The following RBFOX1 variants were observed in gnomAD, a reference collection of about 807,000 sequenced individuals.
RBFOX1 encodes RNA binding fox-1 homolog 1.
Under a neutral mutation model 57.7 loss-of-function variants are expected in RBFOX1, and 8 were observed. The ratio of observed to expected loss-of-function variants is 0.14; its 90% confidence interval spans 0.08 to 0.25. The LOEUF is 0.25. RBFOX1 is among the 10% of genes least tolerant of loss of function. RBFOX1 has a pLI of 1.00. For missense variants in RBFOX1, 611 were observed against 548.5 expected (o/e 1.11, Z -1.14); for synonymous variants, 326 against 222.4 (o/e 1.47, Z -4.15).
At chr16:5,967,100 T>C (rs992313870) in intron 4 of RBFOX1, among the ~76,000 whole-genome samples, 3 of 151,564 alleles carry the variant, frequency 2.0e-5, no homozygotes, top group Non-Finnish European at 4.4e-5. Flanking sequence ...TGACGGCTGC[T>C]TCTTCGAGTT....
At chr16:6,339,197 G>A (rs1278594020) in intron 2 of RBFOX1, among the ~76,000 whole-genome samples, 1 of 152,190 alleles carries the variant, frequency 6.6e-6, no homozygotes, top group Non-Finnish European at 1.5e-5. Context: ...AGAGTAACTG[G>A]CCATCCCAGG....
rs191205537 is a variant in RBFOX1, at chr16:6,858,182, A to G, written c.-15-193875A>G. ...ATTTGAAGGAAGAAATAGCTCACTC[A>G]TAAGTGTCCTTTTCAAAGTGTTGTT... On this transcript the variant is annotated intron_variant, in intron 3 of 15. Coordinates refer to ENST00000550418, the MANE Select transcript of RBFOX1 (RefSeq NM_018723.4). Among the ~76,000 whole-genome samples the G allele has an allele frequency of 3.1e-3, 466 of 152,380 alleles. 4 individuals are homozygous for G. The highest frequency in any genetic ancestry group is 3.0e-3 in the Non-Finnish European group (207 of 68,040).
chr16:7,324,461 CA>C (rs1321086319), intron 4 of RBFOX1, among the ~76,000 whole-genome samples: 2 of 152,142 alleles, frequency 1.3e-5, no homozygotes, highest in Non-Finnish European at 2.9e-5. Context: ...TGAGAGGCCT[CA>C]GGGGGTATTT....
intron 4 of RBFOX1, among the ~76,000 whole-genome samples, chr16:7,099,236 G>T (rs1030555743): frequency 1.3e-5 from 2 of 152,170 alleles, no homozygotes; most frequent in African/African-American, 4.8e-5. Flanking sequence ...GTAGAATGAG[G>T]GAGGGTAGAT....
intron 3 of RBFOX1, among the ~76,000 whole-genome samples, chr16:5,711,776 A>G (rs913985814): frequency 6.6e-6 from 1 of 152,242 alleles, no homozygotes; most frequent in African/African-American, 2.4e-5. Flanking sequence ...TGCTGTAAAT[A>G]TGGAAATCCA....
intron 3 of RBFOX1, among the ~76,000 whole-genome samples, chr16:6,667,858 C>T (rs2098742314): frequency 6.6e-6 from 1 of 151,834 alleles, no homozygotes; most frequent in Non-Finnish European, 1.5e-5. Context: ...CACCACACTC[C>T]AGCCTGGGTG....
intron 1 of RBFOX1, among the ~76,000 whole-genome samples, chr16:6,148,293 C>T (rs556613387): frequency 6.6e-6 from 1 of 152,246 alleles, no homozygotes; most frequent in African/African-American, 2.4e-5. Context: ...CGCCACTGCA[C>T]TCCAGCCTGG....
chr16:6,358,771 G>C (rs1040171555), intron 2 of RBFOX1, among the ~76,000 whole-genome samples: 2 of 152,156 alleles, frequency 1.3e-5, no homozygotes, highest in South Asian at 2.1e-4. Flanking sequence ...TCTCCTGATG[G>C]ATATGCTACA....
chr16:6,706,585 C>G (rs1245435876), intron 3 of RBFOX1, among the ~76,000 whole-genome samples: 2 of 152,128 alleles, frequency 1.3e-5, no homozygotes, highest in Non-Finnish European at 2.9e-5. Context: ...TGGGATGTGC[C>G]ATTGCTCTAA....
chr16:6,333,081 C>G (rs1385938226), intron 2 of RBFOX1, among the ~76,000 whole-genome samples: 1 of 152,078 alleles, frequency 6.6e-6, no homozygotes, highest in Non-Finnish European at 1.5e-5. Flanking sequence ...GCTCTGCCAC[C>G]TAGGCTGGAG....
chr16:6,792,325 G>T (rs936718618), intron 3 of RBFOX1, among the ~76,000 whole-genome samples: 3 of 152,094 alleles, frequency 2.0e-5, no homozygotes, highest in African/African-American at 7.2e-5. Context: ...TGATCCCTAA[G>T]GACGCTTTCA....
intron 4 of RBFOX1, among the ~76,000 whole-genome samples, chr16:7,083,803 G>T (rs1408578500): frequency 6.6e-6 from 1 of 152,146 alleles, no homozygotes; most frequent in Non-Finnish European, 1.5e-5. Context: ...TTGCCATGGT[G>T]ACATTTGCTT....
At chr16:6,985,924 G>A (rs1346950002) in intron 3 of RBFOX1, among the ~76,000 whole-genome samples, 2 of 146,870 alleles carry the variant, frequency 1.4e-5, no homozygotes, top group Non-Finnish European at 3.0e-5. Flanking sequence ...GCAAATGAAT[G>A]TGAATTGTAA....
chr16:6,231,235 T>TAG (rs773353988), intron 1 of RBFOX1, among the ~76,000 whole-genome samples: 44 of 48,882 alleles, frequency 9.0e-4, no homozygotes, highest in Middle Eastern at 0.016. Flanking sequence ...TGTGTGTGTG[T>TAG]GTAGGTGTGT....
intron 3 of RBFOX1, among the ~76,000 whole-genome samples, chr16:6,850,344 A>C (rs1041921141): frequency 5.9e-5 from 9 of 152,218 alleles, no homozygotes; most frequent in African/African-American, 2.2e-4. Context: ...ACAAAATAAA[A>C]TTAAGGTGAG....
chr16:6,993,636 C>T (rs1455832132), intron 3 of RBFOX1, among the ~76,000 whole-genome samples: 1 of 152,122 alleles, frequency 6.6e-6, no homozygotes, highest in African/African-American at 2.4e-5. Context: ...TCAGCCGGGC[C>T]ACTTCTTCAC....
chr16:7,121,636 A>G (rs1353241647), intron 4 of RBFOX1, among the ~76,000 whole-genome samples: 1 of 152,078 alleles, frequency 6.6e-6, no homozygotes, highest in Non-Finnish European at 1.5e-5. Flanking sequence ...AAATTGGTGT[A>G]TAAGTTTAAC....
intron 4 of RBFOX1, among the ~76,000 whole-genome samples, chr16:7,207,957 A>T (rs1415214582): frequency 6.6e-6 from 1 of 152,172 alleles, no homozygotes; most frequent in Admixed American, 6.5e-5. Flanking sequence ...GAAGCTTCTC[A>T]GTTACCTTTA....
intron 2 of RBFOX1, among the ~76,000 whole-genome samples, chr16:6,572,598 G>T (rs893663392): frequency 1.3e-5 from 2 of 150,602 alleles, no homozygotes; most frequent in African/African-American, 4.9e-5. Flanking sequence ...CACCTTCTCT[G>T]TCTTTTTTTT....
Sources: gnomAD v4.1 joint callset for allele counts (sites outside exome capture counted in the v4.1 genomes callset) on GRCh38, gnomAD v4.1.1 for gene constraint, MANE v1.5 for transcripts, NCBI Gene and HGNC (gene_info 2026-07-23, HGNC 2026-07-21) for gene names.